The following FBXW7 variants were observed in gnomAD, a reference collection of about 807,000 sequenced individuals.
FBXW7 encodes the protein F-box/WD repeat-containing protein 7.
A neutral mutation model predicts 86.3 loss-of-function variants in FBXW7; 11 were observed. That is an observed-to-expected ratio of 0.13 (90% CI 0.08 to 0.21). FBXW7 has a LOEUF of 0.21. Among genes scored for constraint, FBXW7 ranks in the 10% least tolerant of loss-of-function variants. The pLI, the probability that FBXW7 is intolerant of heterozygous loss-of-function variation, is 1.00. For synonymous variants in FBXW7, 313 were observed against 297.9 expected, an observed-to-expected ratio of 1.05 and a Z score of -0.52; for missense variants, 488 against 847.4, an observed-to-expected ratio of 0.58 and a Z score of 5.27.
At chr4:152,418,835 G>A (rs927669461) in intron 2 of FBXW7, among the ~76,000 whole-genome samples, 1 of 152,072 alleles carries the variant, frequency 6.6e-6, no homozygotes, top group Non-Finnish European at 1.5e-5. Context: ...AAATTAACAT[G>A]ATTTGCTTAT....
intron 4 of FBXW7, among the ~76,000 whole-genome samples, chr4:152,366,302 T>G (rs892161985): frequency 5.3e-5 from 8 of 152,158 alleles, no homozygotes; most frequent in African/African-American, 1.9e-4. Context: ...AAAATGCAAC[T>G]TCACAGTTTA....
chr4:152,365,686 T>A (rs1024784779), intron 4 of FBXW7, among the ~76,000 whole-genome samples: 13 of 152,098 alleles, frequency 8.5e-5, no homozygotes, highest in African/African-American at 3.1e-4. Context: ...GTGAGGAGGA[T>A]CTTGAGATAT....
At chr4:152,403,768 G>A (rs1322668403) in intron 4 of FBXW7, among the ~76,000 whole-genome samples, 4 of 152,118 alleles carry the variant, frequency 2.6e-5, no homozygotes, top group Admixed American at 6.5e-5. Context: ...CTCACCTACC[G>A]CCCGCCTCCT....
At chr4:152,429,352 CTT>C (rs1560886829) in intron 2 of FBXW7, among the ~76,000 whole-genome samples, 1 of 66,848 alleles carries the variant, frequency 1.5e-5, no homozygotes, top group Non-Finnish European at 2.7e-5. Context: ...ATTTCTTTTA[CTT>C]TGTTAGGGGG....
intron 4 of FBXW7, among the ~76,000 whole-genome samples, chr4:152,391,831 A>G (rs1736021995): frequency 6.6e-6 from 1 of 152,144 alleles, no homozygotes; most frequent in African/African-American, 2.4e-5. Flanking sequence ...TGGTATGTCT[A>G]ATTCCTAAAC....
intron 4 of FBXW7, among the ~76,000 whole-genome samples, chr4:152,401,155 C>G (rs1437555211): frequency 6.6e-6 from 1 of 152,198 alleles, no homozygotes; most frequent in Non-Finnish European, 1.5e-5. Flanking sequence ...ATTAATCATA[C>G]TGTTAACTTG....
chr4:152,398,091 C>T (rs1286552269), intron 4 of FBXW7, among the ~76,000 whole-genome samples: 2 of 151,692 alleles, frequency 1.3e-5, no homozygotes, highest in East Asian at 3.9e-4. Context: ...AAACAAAAAC[C>T]CTAGGTATCC....
intron 2 of FBXW7, among the ~76,000 whole-genome samples, chr4:152,527,609 ATT>A (rs919190403): frequency 6.6e-6 from 1 of 150,534 alleles, no homozygotes; most frequent in Non-Finnish European, 1.5e-5. Flanking sequence ...TCTTTACAGA[ATT>A]TTTTTTTTAA....
At chr4:152,449,734 T>C (rs976623055) in intron 2 of FBXW7, among the ~76,000 whole-genome samples, 1 of 152,358 alleles carries the variant, frequency 6.6e-6, no homozygotes, top group African/African-American at 2.4e-5. Flanking sequence ...ATGCTAGCTA[T>C]ACTATACCTT....
chr4:152,497,405 A>C (rs1746473147), intron 2 of FBXW7, among the ~76,000 whole-genome samples: 2 of 151,606 alleles, frequency 1.3e-5, no homozygotes, highest in African/African-American at 4.8e-5. Flanking sequence ...CATATTACCA[A>C]AACCATTAAT....
chr4:152,403,114 G>A (rs1737089920), intron 4 of FBXW7, among the ~76,000 whole-genome samples: 1 of 152,118 alleles, frequency 6.6e-6, no homozygotes, highest in Non-Finnish European at 1.5e-5. Context: ...GAAATGGGGA[G>A]TTGGGAATAC....
chr4:152,479,760 T>C (rs1744719489), intron 2 of FBXW7, among the ~76,000 whole-genome samples: 3 of 152,140 alleles, frequency 2.0e-5, no homozygotes, highest in Admixed American at 2.0e-4. Context: ...GACCACTTAG[T>C]TCAAGTGGCA....
rs1376154034 is a variant in FBXW7 at position 152,353,002 on chromosome 4, C to T, written c.502-2878G>A. 7 of 1,236,230 alleles carry T rather than the reference C, an allele frequency of 5.7e-6. No homozygotes were observed. The South Asian group carries it at 1.0e-4, about 18-fold the overall frequency. The allele number at this position is 1,236,230 out of a possible 1,614,324, so 76.6% of individuals were successfully genotyped here. A position where few individuals can be genotyped will look rare whatever the true frequency, so the allele number is the denominator to read the frequency against. ...GAGGGAGGATGTGGGCAGCAGAGAC[C>T]GCCCCCACACGACAGCCCCCTCTCC... On this transcript the variant is annotated intron_variant, in intron 4 of 13. Coordinates refer to ENST00000281708, the MANE Select transcript of FBXW7 (RefSeq NM_001349798.2).
At chr4:152,447,131 A>C (rs1051220115) in intron 2 of FBXW7, among the ~76,000 whole-genome samples, 1 of 152,254 alleles carries the variant, frequency 6.6e-6, no homozygotes, top group African/African-American at 2.4e-5. Context: ...ACAAGTGACT[A>C]TTTGAGTACA....
intron 5 of FBXW7, among the ~76,000 whole-genome samples, chr4:152,349,510 A>C (rs999975203): frequency 2.6e-5 from 4 of 151,910 alleles, no homozygotes; most frequent in African/African-American, 9.7e-5. Context: ...AAAGATTACA[A>C]TTATGTTTCA....
chr4:152,527,901 C>CACACACACACACACAT (rs71596295), intron 2 of FBXW7, among the ~76,000 whole-genome samples: 171 of 149,292 alleles, frequency 1.1e-3, no homozygotes, highest in African/African-American at 4.0e-3. Flanking sequence ...CACACACACA[C>CACACACACACACACAT]ATATATATAC....
chr4:152,342,369 G>GT (rs1260113174), intron 6 of FBXW7, among the ~76,000 whole-genome samples: 1 of 152,294 alleles, frequency 6.6e-6, no homozygotes, highest in Middle Eastern at 3.4e-3. Context: ...GAGAGGCTTG[G>GT]TCCAGGCCAG....
At chr4:152,383,720 T>C (rs1017262269) in intron 4 of FBXW7, among the ~76,000 whole-genome samples, 4 of 152,110 alleles carry the variant, frequency 2.6e-5, no homozygotes, top group African/African-American at 9.7e-5. Flanking sequence ...CTTTTTGACT[T>C]TGGAAAGATT....
intron 2 of FBXW7, among the ~76,000 whole-genome samples, chr4:152,495,089 C>A (rs998296809): frequency 7.2e-5 from 11 of 152,090 alleles, no homozygotes; most frequent in Non-Finnish European, 1.5e-5. Context: ...CAGATCAGAT[C>A]ACCTGAAAAG....
Sources: allele counts gnomAD v4.1 joint callset (sites outside exome capture counted in the v4.1 genomes callset), GRCh38; gene constraint gnomAD v4.1.1; transcripts MANE v1.5; gene names NCBI Gene and HGNC (gene_info 2026-07-23, HGNC 2026-07-21).